ANKS1B: variants seen among roughly 807,000 people sequenced by gnomAD.
ANKS1B encodes ankyrin repeat and sterile alpha motif domain containing 1B, also known as ankyrin repeat and sterile alpha motif domain-containing protein 1B.
Under a neutral mutation model 148.3 loss-of-function variants are expected in ANKS1B, and 36 were observed. The ratio of observed to expected loss-of-function variants is 0.24; its 90% CI spans 0.19 to 0.32. ANKS1B has a LOEUF of 0.32. Ranked by LOEUF, ANKS1B falls within the 10% of genes least tolerant of loss-of-function variation. The pLI is 1.00. For synonymous variants in ANKS1B, 542 were observed against 560.8 expected (o/e 0.97, Z 0.47); for missense variants, 1,157 against 1,542.6 (o/e 0.75, Z 4.19).
At chr12:99,495,222 A>T (rs2096592413) in intron 10 of ANKS1B, among the ~76,000 whole-genome samples, 1 of 152,184 alleles carries the variant, frequency 6.6e-6, no homozygotes, top group African/African-American at 2.4e-5. Context: ...AAGAGCCTAT[A>T]TTCCCACATC....
chr12:99,052,590 C>A (rs983828580), intron 17 of ANKS1B, among the ~76,000 whole-genome samples: 1 of 148,390 alleles, frequency 6.7e-6, no homozygotes, highest in Non-Finnish European at 1.5e-5. Flanking sequence ...TAGCCGGGCG[C>A]GGTGGCGGGC....
chr12:99,859,420 A>G (rs1031913818), intron 1 of ANKS1B, among the ~76,000 whole-genome samples: 1 of 152,218 alleles, frequency 6.6e-6, no homozygotes, highest in Non-Finnish European at 1.5e-5. Flanking sequence ...AGTTTGACAT[A>G]TAATTCTTTG....
chr12:99,177,254 G>C (rs529845251), intron 14 of ANKS1B, among the ~76,000 whole-genome samples: 6 of 152,298 alleles, frequency 3.9e-5, no homozygotes, highest in African/African-American at 1.4e-4. Context: ...TTAATAAAGT[G>C]TTTTTATATT....
chr12:99,854,205 G>A (rs968589909), intron 1 of ANKS1B, among the ~76,000 whole-genome samples: 2 of 152,040 alleles, frequency 1.3e-5, no homozygotes, highest in African/African-American at 4.8e-5. Flanking sequence ...GTAGAGACGG[G>A]GTTTCACTGT....
chr12:99,464,596 A>G (rs1289565729), intron 10 of ANKS1B, among the ~76,000 whole-genome samples: 4 of 152,228 alleles, frequency 2.6e-5, no homozygotes, highest in African/African-American at 9.6e-5. Context: ...GAAGTGCTTA[A>G]AGGAGTTGAT....
chr12:99,371,078 C>A (rs538201010), intron 12 of ANKS1B, among the ~76,000 whole-genome samples: 2 of 151,978 alleles, frequency 1.3e-5, no homozygotes, highest in African/African-American at 4.8e-5. Context: ...TGGTTTTGGA[C>A]CCCAAGGAAA....
intron 1 of ANKS1B, among the ~76,000 whole-genome samples, chr12:99,865,568 C>A (rs1381905155): frequency 1.3e-5 from 2 of 152,064 alleles, no homozygotes; most frequent in Non-Finnish European, 1.5e-5. Context: ...GTAAAAGCTG[C>A]AAGTCATAAT....
At chr12:99,554,247 G>A (rs764790419) in intron 9 of ANKS1B, among the ~76,000 whole-genome samples, 7 of 152,164 alleles carry the variant, frequency 4.6e-5, no homozygotes, top group Non-Finnish European at 8.8e-5. Flanking sequence ...AAGTCTATGA[G>A]ATACTGTGGA....
intron 17 of ANKS1B, among the ~76,000 whole-genome samples, chr12:98,999,520 C>A (rs1013705696): frequency 2.0e-5 from 3 of 152,074 alleles, no homozygotes; most frequent in Non-Finnish European, 4.4e-5. Context: ...GGAAAGGATA[C>A]TTTATGTTTT....
chr12:98,941,632 T>C (rs2099836830), intron 17 of ANKS1B, among the ~76,000 whole-genome samples: 1 of 152,210 alleles, frequency 6.6e-6, no homozygotes, highest in South Asian at 2.1e-4. Flanking sequence ...GAAGATTGAC[T>C]GTATGTCCTT....
Position 99,676,383 on chromosome 12 carries a change from C to T in ANKS1B, c.1129-21173G>A, listed in dbSNP as rs142275342. On this transcript the variant is annotated intron_variant, in intron 8 of 26. Transcript: ENST00000683438. Reference sequence around the variant, plus strand: ...TGAATTTTCATTATTCATACATATCCTATTTTCCAAATTGTCTATAATAAG... The same window carrying T: ...TGAATTTTCATTATTCATACATATCTTATTTTCCAAATTGTCTATAATAAG... 4.7e-3 allele frequency among the ~76,000 whole-genome samples: 720 copies of T among 152,190 alleles called. 3 individuals carry two copies. Among genetic ancestry groups the T allele is most frequent in the Non-Finnish European group, 8.4e-3 (572 of 68,000 alleles).
chr12:99,705,157 C>T (rs772904714), intron 8 of ANKS1B, among the ~76,000 whole-genome samples: 6 of 152,034 alleles, frequency 3.9e-5, no homozygotes, highest in Non-Finnish European at 8.8e-5. Flanking sequence ...TATTTTAAAG[C>T]AGTTAGATTC....
intron 2 of ANKS1B, among the ~76,000 whole-genome samples, chr12:99,815,384 A>C (rs977282591): frequency 1.3e-5 from 2 of 151,854 alleles, no homozygotes; most frequent in Non-Finnish European, 2.9e-5. Context: ...CCTTTGGAAA[A>C]CACTAAGATC....
intron 17 of ANKS1B, among the ~76,000 whole-genome samples, chr12:98,912,237 C>T (rs2099787800): frequency 6.6e-6 from 1 of 152,154 alleles, no homozygotes; most frequent in Admixed American, 6.5e-5. Context: ...AGGTTATGAA[C>T]CATGGCAGCC....
chr12:99,163,366 C>T (rs1405695541), intron 14 of ANKS1B, among the ~76,000 whole-genome samples: 1 of 151,788 alleles, frequency 6.6e-6, no homozygotes, highest in Non-Finnish European at 1.5e-5. Flanking sequence ...GTTGTGACAT[C>T]CTGTATGACT....
chr12:98,818,556 T>C (rs183297304), intron 19 of ANKS1B, among the ~76,000 whole-genome samples: 1 of 152,332 alleles, frequency 6.6e-6, no homozygotes, highest in African/African-American at 2.4e-5. Context: ...CAATATGGGC[T>C]GTTTTACTTG....
At chr12:99,958,523 C>T (rs548094976) in intron 1 of ANKS1B, among the ~76,000 whole-genome samples, 5 of 152,058 alleles carry the variant, frequency 3.3e-5, no homozygotes, top group African/African-American at 1.2e-4. Flanking sequence ...GCTGGGACTA[C>T]GGGCATGCAC....
At chr12:99,743,286 A>G (rs1461285724) in intron 8 of ANKS1B, among the ~76,000 whole-genome samples, 1 of 152,204 alleles carries the variant, frequency 6.6e-6, no homozygotes, top group Non-Finnish European at 1.5e-5. Flanking sequence ...AAAGAAAAAG[A>G]CCTTTCAGTT....
intron 8 of ANKS1B, among the ~76,000 whole-genome samples, chr12:99,753,211 T>C (rs1235917236): frequency 1.3e-5 from 2 of 152,088 alleles, no homozygotes; most frequent in Admixed American, 6.6e-5. Flanking sequence ...GAGGTTTCTA[T>C]ATAAAGAAAG....
Sources: gnomAD v4.1 joint callset for allele counts (sites outside exome capture counted in the v4.1 genomes callset) on GRCh38, gnomAD v4.1.1 for gene constraint, MANE v1.5 for transcripts, NCBI Gene and HGNC (gene_info 2026-07-23, HGNC 2026-07-21) for gene names.